IL18RAP: variants seen among roughly 807,000 people sequenced by gnomAD.
The protein encoded by IL18RAP is interleukin 18 receptor accessory protein.
In IL18RAP, 37 loss-of-function variants were observed where a neutral mutation model predicts 58.1. That is an observed-to-expected ratio of 0.64 (90% CI 0.49 to 0.84). The LOEUF (loss-of-function observed/expected upper bound fraction) is 0.84. Ranked by LOEUF, IL18RAP falls within the 40% of genes least tolerant of loss-of-function variation. The pLI is 0.00. For synonymous variants in IL18RAP, 268 were observed against 257.5 expected (o/e 1.04, Z -0.39); for missense variants, 667 against 704.8 (o/e 0.95, Z 0.61).
chr2:102,438,872 T>G (rs2104351591), intron 4 of IL18RAP: 1 of 152,344 alleles, frequency 6.6e-6, no homozygotes, highest in East Asian at 1.9e-4. Context: ...GCTGTCATAA[T>G]ACAGTGCAGC....
chr2:102,437,698 C>T (rs952792079), intron 4 of IL18RAP, among the ~76,000 whole-genome samples: 37 of 152,158 alleles, frequency 2.4e-4, no homozygotes, highest in African/African-American at 8.2e-4. Context: ...ACCATTTTCC[C>T]ACATGCTTCA....
rs897577005 is a variant in IL18RAP at position 102,442,319 on chromosome 2, A to G, written c.797-881A>G. Among the ~76,000 whole-genome samples, 4 of 151,936 alleles carry G rather than the reference A, an allele frequency of 2.6e-5. No individual in the cohort carries two copies. In the South Asian group the frequency reaches 8.3e-4, roughly 31 times the overall value. On this transcript the variant is annotated intron_variant, in intron 5 of 9. Transcript: ENST00000687160. ...TAATATAAATTTTTTTATTATTATT[A>G]TACTTTCTAAAATGCTACTAAAACA...
At position 102,450,939 on chromosome 2, in the gene IL18RAP, C is replaced by A; in HGVS notation, c.1302C>A (p.Ala434=). ...CATCTCTGAGTGAAGAACACTTGGCCCTGAGCCTATTTCCTGATGTTTTAG... is the reference window on the plus strand; with the variant it reads ...CATCTCTGAGTGAAGAACACTTGGCACTGAGCCTATTTCCTGATGTTTTAG... ...ATSSLSEEHL[A]LSLFPDVLEN... The change falls in exon 9 of 10, where the codon GCC becomes GCA. Residue 434 remains alanine (A), a synonymous_variant. Transcript: ENST00000687160. 6.2e-7 allele frequency: 1 copy of A among 1,612,198 alleles called. No homozygotes were observed. Among genetic ancestry groups the A allele is most frequent in the African/African-American group, 1.3e-5 (1 of 74,986 alleles).
chr2:102,442,971 T>C (rs1683194441), intron 5 of IL18RAP, among the ~76,000 whole-genome samples: 1 of 152,196 alleles, frequency 6.6e-6, no homozygotes, highest in South Asian at 2.1e-4. Context: ...TTTAAGAACA[T>C]ATAGTCATAT....
intron 8 of IL18RAP, among the ~76,000 whole-genome samples, chr2:102,449,672 G>A (rs6543138): frequency 0.31 from 46,951 of 151,950 alleles, 7,751 homozygotes; most frequent in African/African-American, 0.38. Flanking sequence ...GAATTCTGGA[G>A]GACCTCAGAG....
chr2:102,430,881 C>T (rs1348312951), intron 3 of IL18RAP, among the ~76,000 whole-genome samples: 5 of 152,190 alleles, frequency 3.3e-5, no homozygotes, highest in Admixed American at 1.3e-4. Flanking sequence ...GTTGTAGTTT[C>T]TGTTTCTTAA....
At position 102,452,269 on chromosome 2, in the gene IL18RAP, CT is replaced by C. The variant is rs1206732508; in HGVS notation, c.*89del. The stretch of plus-strand genomic sequence containing the variant: ...ACAGCTCTGTGTGTGTGTGTTCAGG[CT>C]GATAGGAAATTCAAAGAGTCTCCTG... On this transcript the variant is annotated 3_prime_UTR_variant, in exon 10 of 10. Transcript: ENST00000687160. 1 of 1,282,364 alleles carries C rather than the reference CT, an allele frequency of 7.8e-7. No individual in the cohort carries two copies. Among genetic ancestry groups the C allele is most frequent in the Non-Finnish European group, 1.1e-6 (1 of 927,302 alleles). The allele number at this position is 1,282,364 out of a possible 1,614,324, so 79.4% of individuals were successfully genotyped here. A position where few individuals can be genotyped will look rare whatever the true frequency, so the allele number is the denominator to read the frequency against.
Position 102,451,972 on chromosome 2 carries a change from C to T in IL18RAP, c.1591C>T (p.Leu531Phe). Residue 531 changes from leucine (L) to phenylalanine (F), a missense_variant, in exon 10 of 10, where the codon CTC (leucine) becomes TTC (phenylalanine). Physicochemically the swap from Leu to Phe is conservative, Grantham distance 22. Coordinates refer to ENST00000687160, the MANE Select transcript of IL18RAP (RefSeq NM_001393487.1). ...TCTACCTCATCTCGTGAAAAAAGCT[C>T]TCAGGGTTTTGCCCACAGTTACTTG... ...ESLPHLVKKA[L>F]RVLPTVTWRG... 1 of 1,614,168 alleles carries T rather than the reference C, an allele frequency of 6.2e-7. No homozygotes were observed. Among genetic ancestry groups the T allele is most frequent in the Non-Finnish European group, 8.5e-7 (1 of 1,180,036 alleles).
chr2:102,449,272 A>C (rs1170448002), intron 8 of IL18RAP, among the ~76,000 whole-genome samples: 1 of 152,234 alleles, frequency 6.6e-6, no homozygotes, highest in Admixed American at 6.5e-5. Flanking sequence ...CTTTTCAAAA[A>C]AAAGGAAGAA....
At chr2:102,429,082 T>C (rs545189894) in intron 3 of IL18RAP, among the ~76,000 whole-genome samples, 2 of 152,104 alleles carry the variant, frequency 1.3e-5, no homozygotes, top group African/African-American at 2.4e-5. Flanking sequence ...TCTTTTAATG[T>C]ATGGTTGAAT....
chr2:102,441,713 C>T (rs1033240823), intron 5 of IL18RAP, among the ~76,000 whole-genome samples: 11 of 151,942 alleles, frequency 7.2e-5, no homozygotes, highest in African/African-American at 2.7e-4. Flanking sequence ...CATGGTGAAA[C>T]CCCATCTCTA....
At chr2:102,437,502 CA>C in intron 4 of IL18RAP, 140 bp downstream of exon 4, 1 of 730,130 alleles carries the variant, frequency 1.4e-6, no homozygotes, top group Non-Finnish European at 2.0e-6. Flanking sequence ...TTCATGTGGG[CA>C]AACATCAAAG....
At chr2:102,425,252 TATC>T (rs1414347718) in intron 3 of IL18RAP, among the ~76,000 whole-genome samples, 20 of 152,378 alleles carry the variant, frequency 1.3e-4, no homozygotes, top group Admixed American at 2.0e-4. Context: ...AATATAAAAA[TATC>T]ATTCTAAATT....
intron 7 of IL18RAP, among the ~76,000 whole-genome samples, chr2:102,446,068 GA>G (rs1683396280): frequency 6.6e-6 from 1 of 152,234 alleles, no homozygotes; most frequent in African/African-American, 2.4e-5. Flanking sequence ...AGGTAAGCCA[GA>G]TGGGACTCCT....
At chr2:102,424,445 G>A in intron 3 of IL18RAP, 31 bp downstream of exon 3, 4 of 1,577,066 alleles carry the variant, frequency 2.5e-6, no homozygotes, top group African/African-American at 1.4e-5. Context: ...ATTAATATAA[G>A]AGCATTGTTT....
rs762979813 is a variant in IL18RAP at position 102,437,333 on chromosome 2, T to G, written c.701T>G (p.Val234Gly). ...TQSDTVSSWT[V>G]RAVVQVRTIV... ...TCGGATACTGTGAGTTCGTGGACAG[T>G]CAGAGCTGTTGTTCAAGTGAGAACC... The change falls in exon 4 of 10, where the codon GTC (valine) becomes GGC (glycine). Residue 234 changes from valine to glycine, a missense_variant. Transcript: ENST00000687160. 1 of 1,613,684 alleles carries G rather than the reference T, an allele frequency of 6.2e-7. No homozygotes were observed. Among genetic ancestry groups the G allele is most frequent in the Non-Finnish European group, 8.5e-7 (1 of 1,179,746 alleles).
chr2:102,423,587 A>C (rs6759479), intron 1 of IL18RAP, among the ~76,000 whole-genome samples: 81,308 of 151,968 alleles, frequency 0.54, 23,604 homozygotes, highest in African/African-American at 0.73. Flanking sequence ...GATGAGCCAG[A>C]GTTCTACCAT....
chr2:102,423,441 T>C, intron 1 of IL18RAP, 94 bp downstream of exon 1: 1 of 1,054,418 alleles, frequency 9.5e-7, no homozygotes, highest in South Asian at 1.3e-5. Context: ...GATATATTAA[T>C]ACAAACCTTT....
At chr2:102,420,581 T>A (rs761246052), upstream of IL18RAP, among the ~76,000 whole-genome samples, 1 of 152,196 alleles carries the variant, frequency 6.6e-6, no homozygotes, top group Non-Finnish European at 1.5e-5. Context: ...TCGTGGTAAC[T>A]AATTTGCTAT....
Sources: allele counts gnomAD v4.1 joint callset (sites outside exome capture counted in the v4.1 genomes callset), GRCh38; gene constraint gnomAD v4.1.1; transcripts MANE v1.5; gene names NCBI Gene and HGNC (gene_info 2026-07-23, HGNC 2026-07-21).